Variants in RPGRIP1L observed in about 807,000 individuals in gnomAD.
RPGRIP1L encodes the protein protein fantom.
In RPGRIP1L, 131 loss-of-function variants were observed where a neutral mutation model predicts 160.4. The observed-to-expected ratio is 0.82, with a 90% CI of 0.71 to 0.94. The LOEUF (loss-of-function observed/expected upper bound fraction) is 0.94. Ranked by LOEUF, RPGRIP1L falls within the 40% of genes least tolerant of loss-of-function variation. The probability of loss-of-function intolerance (pLI) is 0.00; values close to 1 mark genes in which losing one functional copy is unlikely to be tolerated. For missense variants in RPGRIP1L, 1,522 were observed against 1,535.8 expected (o/e 0.99, Z 0.15); for synonymous variants, 510 against 515.8 (o/e 0.99, Z 0.15).
intron 24 of RPGRIP1L, among the ~76,000 whole-genome samples, chr16:53,611,864 T>C (rs1964064342): frequency 6.6e-6 from 1 of 152,228 alleles, no homozygotes. Flanking sequence ...TTCTTTTTCA[T>C]AGGCCATTTT....
intron 9 of RPGRIP1L, among the ~76,000 whole-genome samples, chr16:53,666,183 G>A (rs1362290004): frequency 1.3e-5 from 2 of 152,080 alleles, no homozygotes; most frequent in Non-Finnish European, 2.9e-5. Flanking sequence ...TTTCTGGGAG[G>A]CATAGCTTCT....
intron 2 of RPGRIP1L, among the ~76,000 whole-genome samples, chr16:53,697,879 G>A (rs1338929911): frequency 6.6e-6 from 1 of 151,196 alleles, no homozygotes; most frequent in Non-Finnish European, 1.5e-5. Flanking sequence ...AAAGTGAGGA[G>A]CGTCTCTGCC....
At chr16:53,680,636 A>C (rs1386786794) in intron 6 of RPGRIP1L, among the ~76,000 whole-genome samples, 1 of 152,162 alleles carries the variant, frequency 6.6e-6, no homozygotes, top group African/African-American at 2.4e-5. Context: ...TGTGTATTAG[A>C]TGCTGTGGCT....
chr16:53,626,111 C>G (rs562869000), intron 22 of RPGRIP1L, among the ~76,000 whole-genome samples: 8 of 143,872 alleles, frequency 5.6e-5, no homozygotes, highest in Non-Finnish European at 1.0e-4. Flanking sequence ...AAATCCCCCT[C>G]TCCGAGAAAC....
In RPGRIP1L at chr16:53,611,074, G is replaced by A. The variant is rs759604293; in HGVS notation, c.3617-23C>T. On this transcript the variant is annotated intron_variant, in intron 24 of 26. Transcript: ENST00000647211. Reference sequence around the variant, plus strand: ...TCACTATACCAAAAGAAAAAAAAATGCCAAAAAGGAAGTCACTCAGGAATA... The same window carrying A: ...TCACTATACCAAAAGAAAAAAAAATACCAAAAAGGAAGTCACTCAGGAATA... 5 of 1,527,948 alleles carry A rather than the reference G, an allele frequency of 3.3e-6. No individual in the cohort carries two copies. In the Admixed American group the frequency reaches 8.4e-5, roughly 26 times the overall value. 94.6% of individuals were successfully genotyped at this position (1,527,948 alleles called of 1,614,324 possible). A position where few individuals can be genotyped will look rare whatever the true frequency, so the allele number is the denominator to read the frequency against.
At chr16:53,697,311 A>ATCTCCCTCTCCC (rs200883006) in intron 2 of RPGRIP1L, among the ~76,000 whole-genome samples, 1 of 151,166 alleles carries the variant, frequency 6.6e-6, no homozygotes, top group South Asian at 2.1e-4. Context: ...AAGTTTATCA[A>ATCTCCCTCTCCC]TCTCCCTCTC....
chr16:53,666,742 T>C (rs72803651), intron 9 of RPGRIP1L, among the ~76,000 whole-genome samples: 4,707 of 152,172 alleles, frequency 0.031, 160 homozygotes, highest in East Asian at 0.14. Flanking sequence ...AGTGTTCCAA[T>C]AGCATTAGTA....
rs1970761117 is a variant in RPGRIP1L at position 53,696,391 on chromosome 16, T to C, written c.86-96A>G. ...TAATCTCTGATGCACTCATCTGAGA[T>C]TTTTTCCTTTGTGACCTACAGTTAA... On this transcript the variant is annotated intron_variant, in intron 2 of 26. Transcript: ENST00000647211. The C allele has an allele frequency of 5.3e-6, 7 of 1,317,244 alleles. No individual in the cohort carries two copies. The South Asian group carries it at 6.0e-5, about 11-fold the overall frequency. The allele number at this position is 1,317,244 out of a possible 1,614,324, so 81.6% of individuals were successfully genotyped here. A position where few individuals can be genotyped will look rare whatever the true frequency, so the allele number is the denominator to read the frequency against.
chr16:53,631,505 T>C (rs905404814), intron 22 of RPGRIP1L, among the ~76,000 whole-genome samples: 2 of 152,260 alleles, frequency 1.3e-5, no homozygotes, highest in Admixed American at 6.5e-5. Context: ...AGCTGCACTA[T>C]TGAATGATAA....
At chr16:53,696,394 T>C (rs1970761616) in intron 2 of RPGRIP1L, 99 bp from the exon 3 acceptor site, 3 of 1,283,674 alleles carry the variant, frequency 2.3e-6, no homozygotes, top group East Asian at 2.3e-5. Flanking sequence ...TCTGAGATTT[T>C]TTCCTTTGTG....
At chr16:53,625,633 C>T (rs1965093567) in intron 22 of RPGRIP1L, among the ~76,000 whole-genome samples, 1 of 152,198 alleles carries the variant, frequency 6.6e-6, no homozygotes, top group Non-Finnish European at 1.5e-5. Context: ...GCCACCCCGT[C>T]TGGGACGTGT....
Position 53,692,133 on chromosome 16 carries a change from T to C in RPGRIP1L, c.462A>G (p.Gln154=), listed in dbSNP as rs1298157360. 1.1e-5 allele frequency: 18 copies of C among 1,613,972 alleles called. No homozygotes were observed. The highest frequency in any genetic ancestry group is 1.5e-5 in the Non-Finnish European group (18 of 1,179,962). ...GYRQTPYNNV[Q]SRINTGRRKA... ...TTCTACGCCCAGTGTTAATACGAGA[T>C]TGTACATTATTGTATGGAGTTTGCC... The change falls in exon 4 of 27, where the codon CAA becomes CAG. Residue 154 remains glutamine, a synonymous_variant. Coordinates refer to ENST00000647211, the MANE Select transcript of RPGRIP1L (RefSeq NM_015272.5).
chr16:53,657,885 T>C (rs997455837), intron 12 of RPGRIP1L, among the ~76,000 whole-genome samples: 1 of 152,090 alleles, frequency 6.6e-6, no homozygotes, highest in African/African-American at 2.4e-5. Context: ...AATCAAAAAA[T>C]AGTTACTTTA....
chr16:53,669,349 T>A (rs1486704411), intron 9 of RPGRIP1L, among the ~76,000 whole-genome samples: 1 of 152,118 alleles, frequency 6.6e-6, no homozygotes, highest in Non-Finnish European at 1.5e-5. Flanking sequence ...TTGACACTCA[T>A]TACACACATT....
At chr16:53,682,672 A>T (rs1409597979) in intron 6 of RPGRIP1L, among the ~76,000 whole-genome samples, 1 of 152,164 alleles carries the variant, frequency 6.6e-6, no homozygotes, top group Non-Finnish European at 1.5e-5. Flanking sequence ...CCCCTATATG[A>T]ATTTTTATAT....
chr16:53,653,154 C>G (rs985511967), intron 14 of RPGRIP1L, 167 bp from the exon 15 acceptor site: 2 of 412,628 alleles, frequency 4.8e-6, no homozygotes, highest in East Asian at 3.2e-4. Context: ...AAAAATTTAT[C>G]ATTTCTGTTT....
At chr16:53,697,022 C>A (rs545726692) in intron 2 of RPGRIP1L, among the ~76,000 whole-genome samples, 1 of 151,912 alleles carries the variant, frequency 6.6e-6, no homozygotes, top group Non-Finnish European at 1.5e-5. Context: ...GGTGAAACCC[C>A]GTCTCTACTA....
rs140856264 is a variant in RPGRIP1L at position 53,678,981 on chromosome 16, A to G, written c.777-3859T>C. On this transcript the variant is annotated intron_variant, in intron 6 of 26. Coordinates refer to ENST00000647211, the MANE Select transcript of RPGRIP1L (RefSeq NM_015272.5). ...CTACAGAAGGCTGCTAGTAAACTGA[A>G]TAGAATAAGCTTCACTAAAATAGCT... Among the ~76,000 whole-genome samples the G allele has an allele frequency of 2.1e-3, 327 of 152,336 alleles. 1 individual carries two copies. The highest frequency in any genetic ancestry group is 7.2e-3 in the African/African-American group (298 of 41,584).
chr16:53,672,093 G>A (rs1283585120), intron 8 of RPGRIP1L, among the ~76,000 whole-genome samples: 1 of 152,014 alleles, frequency 6.6e-6, no homozygotes, highest in Non-Finnish European at 1.5e-5. Context: ...CACCTTTTGT[G>A]AATAAATGAA....
Sources: gnomAD v4.1 joint callset for allele counts (sites outside exome capture counted in the v4.1 genomes callset) on GRCh38, gnomAD v4.1.1 for gene constraint, MANE v1.5 for transcripts, NCBI Gene and HGNC (gene_info 2026-07-23, HGNC 2026-07-21) for gene names.